FAM53C: variants seen among roughly 807,000 people sequenced by gnomAD.
FAM53C encodes the protein family with sequence similarity 53 member C.
A neutral mutation model predicts 34.7 loss-of-function variants in FAM53C; 10 were observed. The observed-to-expected ratio is 0.29, with a 90% CI of 0.18 to 0.49. FAM53C has a LOEUF of 0.49. Ranked by LOEUF, FAM53C falls within the 20% of genes least tolerant of loss-of-function variation. FAM53C has a pLI of 0.99. For synonymous variants in FAM53C, 203 were observed against 203.6 expected (o/e 1.00, Z 0.03); for missense variants, 442 against 515.3 (o/e 0.86, Z 1.38).
rs35586116 is a variant in FAM53C, at chr5:138,347,081, G to A, written c.*122G>A. ...GGGGTGAGTGGAGGGCTCCGACTCA[G>A]GGCAGCTGGAAATCTTCTCGCTCCA... On this transcript the variant is annotated 3_prime_UTR_variant, in exon 5 of 5. Coordinates refer to ENST00000239906, the MANE Select transcript of FAM53C (RefSeq NM_016605.3). 28 of 1,352,724 alleles carry A rather than the reference G, an allele frequency of 2.1e-5. No individual in the cohort carries two copies. Among genetic ancestry groups the A allele is most frequent in the Non-Finnish European group, 2.7e-5 (27 of 986,340 alleles). The allele number at this position is 1,352,724 out of a possible 1,614,324, so 83.8% of individuals were successfully genotyped here. A position where few individuals can be genotyped will look rare whatever the true frequency, so the allele number is the denominator to read the frequency against.
rs1761243730 is a variant in FAM53C at position 138,348,651 on chromosome 5, CCAGAGAGGAGG to C, written c.*1693_*1703del. 1 of 152,196 alleles carries C rather than the reference CCAGAGAGGAGG, an allele frequency of 6.6e-6. No homozygotes were observed. The highest frequency in any genetic ancestry group is 2.4e-5 in the African/African-American group (1 of 41,436). The allele number at this position is 152,196 out of a possible 1,614,324, so 9.4% of individuals were successfully genotyped here. ...AGGCTTCAGCCTCCTCGTCTCCACTCCAGAGAGGAGGTGGCTATGTCTTCTTAAGCCTCTGG... is the reference window on the plus strand; with the variant it reads ...AGGCTTCAGCCTCCTCGTCTCCACTCTGGCTATGTCTTCTTAAGCCTCTGG... On this transcript the variant is annotated 3_prime_UTR_variant, in exon 5 of 5. Coordinates refer to ENST00000239906, the MANE Select transcript of FAM53C (RefSeq NM_016605.3).
At position 138,344,937 on chromosome 5, in the gene FAM53C, G is replaced by T. The variant is rs772689311; in HGVS notation, c.249G>T (p.Arg83=). Residue 83 remains arginine (R), a synonymous_variant, in exon 4 of 5, where the codon CGG becomes CGT. Transcript: ENST00000239906. ...GLSLHLRPPS[R]GNSPKEQPFS... is the part of the protein sequence containing the mutation. Reference sequence around the variant, plus strand: ...GCCTGCACCTCAGACCACCCAGTCGGGGAAACTCCCCCAAGGAGCAGCCCT... The same window carrying T: ...GCCTGCACCTCAGACCACCCAGTCGTGGAAACTCCCCCAAGGAGCAGCCCT... 6.2e-7 allele frequency: 1 copy of T among 1,614,132 alleles called. No homozygotes were observed. Among genetic ancestry groups the T allele is most frequent in the Admixed American group, 1.7e-5 (1 of 60,008 alleles).
chr5:138,339,529 A>G (rs1760962424), intron 1 of FAM53C, among the ~76,000 whole-genome samples: 1 of 152,064 alleles, frequency 6.6e-6, no homozygotes, highest in Admixed American at 6.6e-5. Context: ...GCCTCATGAA[A>G]AGCTGGAGAG....
At chr5:138,344,324 A>C (rs1007108313) in intron 3 of FAM53C, among the ~76,000 whole-genome samples, 3 of 152,218 alleles carry the variant, frequency 2.0e-5, no homozygotes, top group African/African-American at 7.2e-5. Flanking sequence ...ACTTCTTGGC[A>C]GTCCTAACTC....
rs1268673487 is a variant in FAM53C, at chr5:138,347,557, C to G, written c.*598C>G. The G allele has an allele frequency of 6.4e-6, 1 of 156,156 alleles. No individual in the cohort carries two copies. The highest frequency in any genetic ancestry group is 1.4e-5 in the Non-Finnish European group (1 of 70,356). 9.7% of individuals were successfully genotyped at this position (156,156 alleles called of 1,614,324 possible). A position where few individuals can be genotyped will look rare whatever the true frequency, so the allele number is the denominator to read the frequency against. On this transcript the variant is annotated 3_prime_UTR_variant, in exon 5 of 5. Transcript: ENST00000239906. The stretch of plus-strand genomic sequence containing the variant: ...AAGTTTTCCTTTTTTCTAAATAGCT[C>G]TGGAACCAGGCTTGTAATCCATAGC...
intron 2 of FAM53C, 122 bp downstream of exon 2, chr5:138,341,535 C>A (rs2286060): frequency 0.22 from 210,982 of 979,464 alleles, 26,591 homozygotes; most frequent in East Asian, 0.53. Flanking sequence ...CTGGAAGAGC[C>A]CACTAATGGC....
Position 138,345,210 on chromosome 5 carries a change from A to G in FAM53C, c.522A>G (p.Gln174=), listed in dbSNP as rs201548087. 66 of 1,614,156 alleles carry G rather than the reference A, an allele frequency of 4.1e-5. No homozygotes were observed. The East Asian group carries it at 1.3e-3, about 33-fold the overall frequency. ...PKRVSSLRFL[Q]APSASSQCAP... is the part of the protein sequence containing the mutation. Reference sequence around the variant, plus strand: ...GGGTCTCCAGCCTCAGGTTCCTCCAAGCTCCCAGTGCCTCTTCTCAATGTG... The same window carrying G: ...GGGTCTCCAGCCTCAGGTTCCTCCAGGCTCCCAGTGCCTCTTCTCAATGTG... Residue 174 remains glutamine, a synonymous_variant, in exon 4 of 5, where the codon CAA becomes CAG. Transcript: ENST00000239906. The surrounding 1 kb of genome is among the most constrained non-coding windows in gnomAD (Gnocchi z 6.3).
At chr5:138,338,164 TG>T (rs1321329928), upstream of FAM53C, 5 of 1,289,580 alleles carry the variant, frequency 3.9e-6, no homozygotes, top group Non-Finnish European at 5.1e-6. Context: ...ATGGGTGGCT[TG>T]GGGGGATTCT....
In FAM53C at chr5:138,344,910, G is replaced by A. The variant is rs541189558; in HGVS notation, c.222G>A (p.Leu74=). ...SLNFSYHPSG[L]SLHLRPPSRG... ...ACTTCAGCTACCATCCCTCAGGCCTGAGCCTGCACCTCAGACCACCCAGTC... is the reference window on the plus strand; with the variant it reads ...ACTTCAGCTACCATCCCTCAGGCCTAAGCCTGCACCTCAGACCACCCAGTC... Residue 74 remains leucine (L), a synonymous_variant, in exon 4 of 5, where the codon CTG becomes CTA. Transcript: ENST00000239906. The A allele has an allele frequency of 6.8e-6, 11 of 1,614,012 alleles. No individual in the cohort carries two copies. In the African/African-American group the frequency reaches 1.5e-4, roughly 22 times the overall value.
intron 4 of FAM53C, among the ~76,000 whole-genome samples, chr5:138,346,072 TTCC>T (rs1177814971): frequency 1.3e-5 from 2 of 152,226 alleles, no homozygotes; most frequent in African/African-American, 4.8e-5. Flanking sequence ...GTTTTTTGAC[TTCC>T]TGGTGTGAGT....
At chr5:138,338,195 C>T (rs1344482264), upstream of FAM53C, 4 of 1,284,766 alleles carry the variant, frequency 3.1e-6, no homozygotes, top group Non-Finnish European at 4.1e-6. Flanking sequence ...AGCTGTCCCC[C>T]TACTCTCCTC....
chr5:138,339,879 A>G (rs534772898), intron 1 of FAM53C, among the ~76,000 whole-genome samples: 62 of 152,268 alleles, frequency 4.1e-4, no homozygotes, highest in Non-Finnish European at 7.4e-4. Flanking sequence ...CCCTCCTTCT[A>G]AGGTGTGAGT....
Position 138,345,057 on chromosome 5 carries a change from G to C in FAM53C, c.369G>C (p.Val123=). 1 of 1,613,884 alleles carries C rather than the reference G, an allele frequency of 6.2e-7. No individual in the cohort carries two copies. The highest frequency in any genetic ancestry group is 8.5e-7 in the Non-Finnish European group (1 of 1,179,882). ...PSKRHCRSLS[V]PVDLSRWQPV... ...AGAGGCACTGCCGCTCACTCTCAGT[G>C]CCCGTGGACCTGTCTCGCTGGCAGC... is the stretch of plus-strand genomic sequence containing the variant. The change falls in exon 4 of 5, where the codon GTG becomes GTC. Residue 123 remains valine (V), a synonymous_variant. Coordinates refer to ENST00000239906, the MANE Select transcript of FAM53C (RefSeq NM_016605.3). This position sits in a 1 kb window ranked among gnomAD's most constrained non-coding sequence, Gnocchi z 6.3.
At position 138,346,741 on chromosome 5, in the gene FAM53C, C is replaced by T. The variant is rs1333669638; in HGVS notation, c.961C>T (p.Arg321Trp). 4.3e-6 allele frequency: 7 copies of T among 1,614,038 alleles called. No individual in the cohort carries two copies. The highest frequency in any genetic ancestry group is 2.7e-5 in the African/African-American group (2 of 74,922). Residue 321 changes from arginine to tryptophan, a missense_variant, in exon 5 of 5, where the codon CGG becomes TGG. Physicochemically the swap from Arg to Trp is moderately radical, Grantham distance 101. Coordinates refer to ENST00000239906, the MANE Select transcript of FAM53C (RefSeq NM_016605.3). Reference sequence around the variant, plus strand: ...AGGTCTTTGTCTCCAAGAAACAGCCCGGGAAGGCAGCAGCATCTCTCCACC... The same window carrying T: ...AGGTCTTTGTCTCCAAGAAACAGCCTGGGAAGGCAGCAGCATCTCTCCACC... ...SGGLCLQETA[R>W]EGSSISPPWF...
upstream of FAM53C, chr5:138,338,082 CG>C (rs1247590140): frequency 1.6e-6 from 2 of 1,289,678 alleles, no homozygotes; most frequent in Admixed American, 4.6e-5. Flanking sequence ...TAAATCAAAG[CG>C]CCAGGCTCGT....
intron 3 of FAM53C, 121 bp downstream of exon 3, chr5:138,341,987 C>A: frequency 1.2e-6 from 1 of 859,698 alleles, no homozygotes; most frequent in South Asian, 1.6e-5. Context: ...TTGCCAGGGT[C>A]AACTTCTGAG....
rs1375469860 is a variant in FAM53C at position 138,341,169 on chromosome 5, C to T, written c.-152-15C>T. 2 of 743,290 alleles carry T rather than the reference C, an allele frequency of 2.7e-6. No homozygotes were observed. The highest frequency in any genetic ancestry group is 1.4e-5 in the South Asian group (1 of 72,080). The allele number at this position is 743,290 out of a possible 1,614,324, so 46.0% of individuals were successfully genotyped here. Reference sequence around the variant, plus strand: ...ATCTCTAATATCACTTGGGGCTGGTCCCTCTAATTGGCAGACTCAGCAGGC... The same window carrying T: ...ATCTCTAATATCACTTGGGGCTGGTTCCTCTAATTGGCAGACTCAGCAGGC... On this transcript the variant is annotated splice_polypyrimidine_tract_variant and intron_variant, in intron 1 of 4. Coordinates refer to ENST00000239906, the MANE Select transcript of FAM53C (RefSeq NM_016605.3).
chr5:138,339,155 T>C lies in FAM53C; in HGVS notation c.-153+848T>C, dbSNP rs562925399. Among the ~76,000 whole-genome samples the C allele has an allele frequency of 1.4e-3, 213 of 152,322 alleles. 1 individual carries two copies. Among genetic ancestry groups the C allele is most frequent in the Non-Finnish European group, 2.6e-3 (174 of 68,032 alleles). On this transcript the variant is annotated intron_variant, in intron 1 of 4. Coordinates refer to ENST00000239906, the MANE Select transcript of FAM53C (RefSeq NM_016605.3). The stretch of plus-strand genomic sequence containing the variant: ...TTAAACTGAGAAGTTTTAACTTGTT[T>C]AGTGAATATTCAGGGCTGTCTCTAC...
chr5:138,338,154 ATGGGTGGCT>A (rs1269565498), upstream of FAM53C: 54 of 1,289,626 alleles, frequency 4.2e-5, no homozygotes, highest in Non-Finnish European at 4.6e-5. Flanking sequence ...TGCGCCCTCC[ATGGGTGGCT>A]TGGGGGGATT....
Sources: allele counts gnomAD v4.1 joint callset (sites outside exome capture counted in the v4.1 genomes callset), GRCh38; gene constraint gnomAD v4.1.1; non-coding constraint Gnocchi (gnomAD v3.1); transcripts MANE v1.5; gene names NCBI Gene and HGNC (gene_info 2026-07-23, HGNC 2026-07-21).